Variants in SLIT2 observed in about 807,000 individuals in gnomAD.
SLIT2 encodes slit homolog 2 protein.
Under a neutral mutation model 185.7 loss-of-function variants are expected in SLIT2, and 41 were observed. The observed-to-expected ratio is 0.22, with a 90% CI of 0.17 to 0.29. The LOEUF is 0.29. Ranked by LOEUF, SLIT2 falls within the 10% of genes least tolerant of loss-of-function variation. The pLI is 1.00. For synonymous variants in SLIT2, 693 were observed against 680.2 expected (o/e 1.02, Z -0.29); for missense variants, 1,571 against 1,909.0 (o/e 0.82, Z 3.30).
At chr4:20,274,543 C>A (rs1478409380) in intron 4 of SLIT2, among the ~76,000 whole-genome samples, 1 of 152,082 alleles carries the variant, frequency 6.6e-6, no homozygotes, top group Non-Finnish European at 1.5e-5. Flanking sequence ...AGATTAAGAT[C>A]ATATTTGAGA....
intron 4 of SLIT2, among the ~76,000 whole-genome samples, chr4:20,454,670 T>A (rs867296823): frequency 6.6e-6 from 1 of 152,186 alleles, no homozygotes; most frequent in South Asian, 2.1e-4. Context: ...TAAAGCAAAT[T>A]TATTGCTTCA....
chr4:20,617,207 C>G lies in SLIT2; in HGVS notation c.4136+9C>G. The G allele has an allele frequency of 1.3e-6, 2 of 1,548,666 alleles. No individual in the cohort carries two copies. The highest frequency in any genetic ancestry group is 4.6e-5 in the East Asian group (2 of 43,444). On this transcript the variant is annotated intron_variant, in intron 35 of 36. Transcript: ENST00000504154. The stretch of plus-strand genomic sequence containing the variant: ...CCTTGCCTTGGAAATAAGTAAGTTC[C>G]TGCTGCTTGGGAGTTGAGCACACAC...
chr4:20,549,585 C>A (rs1723554259), intron 24 of SLIT2, among the ~76,000 whole-genome samples: 1 of 151,848 alleles, frequency 6.6e-6, no homozygotes, highest in Non-Finnish European at 1.5e-5. Context: ...CTCTCTGGTC[C>A]TTTTTCAGAT....
At chr4:20,288,225 G>C (rs1162266961) in intron 4 of SLIT2, among the ~76,000 whole-genome samples, 1 of 152,210 alleles carries the variant, frequency 6.6e-6, no homozygotes, top group African/African-American at 2.4e-5. Flanking sequence ...CCAAGTTTTT[G>C]TGGGCAAACA....
chr4:20,613,331 G>T (rs750647728), intron 34 of SLIT2, among the ~76,000 whole-genome samples: 1 of 152,202 alleles, frequency 6.6e-6, no homozygotes, highest in Non-Finnish European at 1.5e-5. Context: ...CACAAAAAAA[G>T]AATTGAGCTG....
intron 4 of SLIT2, among the ~76,000 whole-genome samples, chr4:20,373,472 A>G (rs908854666): frequency 6.6e-6 from 1 of 152,038 alleles, no homozygotes; most frequent in Non-Finnish European, 1.5e-5. Context: ...GGTGACCAAT[A>G]TTATATTCTT....
At chr4:20,313,335 A>ACTC (rs1718288107) in intron 4 of SLIT2, among the ~76,000 whole-genome samples, 1 of 152,110 alleles carries the variant, frequency 6.6e-6, no homozygotes, top group East Asian at 1.9e-4. Context: ...AGGAAGAGAG[A>ACTC]GGGAGGCAGA....
intron 4 of SLIT2, among the ~76,000 whole-genome samples, chr4:20,324,898 C>T (rs1458574986): frequency 1.3e-5 from 2 of 152,174 alleles, no homozygotes; most frequent in African/African-American, 4.8e-5. Context: ...CTTTTAATGG[C>T]AAAAACTGCA....
At chr4:20,276,810 T>G (rs541717389) in intron 4 of SLIT2, among the ~76,000 whole-genome samples, 1 of 152,308 alleles carries the variant, frequency 6.6e-6, no homozygotes, top group South Asian at 2.1e-4. Context: ...TTCTGTTTGT[T>G]CTATGTCTTA....
intron 5 of SLIT2, among the ~76,000 whole-genome samples, chr4:20,472,478 A>ATATC (rs1553908633): frequency 3.4e-5 from 1 of 29,530 alleles, no homozygotes; most frequent in Non-Finnish European, 5.0e-5. Flanking sequence ...ATATATAGAT[A>ATATC]TATATCTATA....
intron 4 of SLIT2, among the ~76,000 whole-genome samples, chr4:20,321,498 G>A (rs1440471457): frequency 6.6e-6 from 1 of 152,198 alleles, no homozygotes; most frequent in Non-Finnish European, 1.5e-5. Context: ...CCAGTGACTA[G>A]CTTCTGACCC....
At chr4:20,469,562 C>A (rs1714736800) in intron 5 of SLIT2, among the ~76,000 whole-genome samples, 1 of 151,956 alleles carries the variant, frequency 6.6e-6, no homozygotes, top group African/African-American at 2.4e-5. Context: ...CAAATCTTTT[C>A]TCCCCCACAG....
In SLIT2 at chr4:20,388,182, G is replaced by C. The variant is rs1021815785; in HGVS notation, c.396-79570G>C. On this transcript the variant is annotated intron_variant, in intron 4 of 36. Coordinates refer to ENST00000504154, the MANE Select transcript of SLIT2 (RefSeq NM_004787.4). Reference sequence around the variant, plus strand: ...TCTTAAATATGGTATCAAAAGCACAGTTCTAAAAAACTAAACTGAAACCTT... The same window carrying C: ...TCTTAAATATGGTATCAAAAGCACACTTCTAAAAAACTAAACTGAAACCTT... Among the ~76,000 whole-genome samples the C allele has an allele frequency of 1.7e-4, 26 of 152,140 alleles. 1 individual carries two copies. Among genetic ancestry groups the C allele is most frequent in the African/African-American group, 6.3e-4 (26 of 41,516 alleles).
intron 6 of SLIT2, among the ~76,000 whole-genome samples, chr4:20,482,386 A>G (rs1446228839): frequency 1.3e-5 from 2 of 152,036 alleles, no homozygotes; most frequent in Non-Finnish European, 2.9e-5. Flanking sequence ...TCGAATACCT[A>G]CTGTGTATAT....
chr4:20,295,323 G>A (rs541147158), intron 4 of SLIT2, among the ~76,000 whole-genome samples: 25 of 152,340 alleles, frequency 1.6e-4, no homozygotes, highest in African/African-American at 5.5e-4. Flanking sequence ...CTGATACACT[G>A]TGAGTACAAT....
chr4:20,273,310 A>G (rs1713824805), intron 4 of SLIT2, among the ~76,000 whole-genome samples: 2 of 152,118 alleles, frequency 1.3e-5, no homozygotes, highest in South Asian at 4.1e-4. Flanking sequence ...CTACGCAGAT[A>G]TAGCCATTAT....
At chr4:20,487,552 G>A (rs1344269368) in intron 7 of SLIT2, among the ~76,000 whole-genome samples, 1 of 151,904 alleles carries the variant, frequency 6.6e-6, no homozygotes, top group African/African-American at 2.4e-5. Flanking sequence ...TTCCTAATTG[G>A]AATTTTTATA....
chr4:20,317,103 G>A (rs1379462605), intron 4 of SLIT2, among the ~76,000 whole-genome samples: 3 of 151,662 alleles, frequency 2.0e-5, no homozygotes, highest in Non-Finnish European at 4.4e-5. Flanking sequence ...AAGAGTTAAA[G>A]TTGTCAGATG....
intron 3 of SLIT2, among the ~76,000 whole-genome samples, chr4:20,259,571 T>C (rs1304940990): frequency 1.3e-5 from 2 of 151,828 alleles, no homozygotes; most frequent in Non-Finnish European, 3.0e-5. Flanking sequence ...TCATTCTTTT[T>C]CAAGTCACTT....
Sources: gnomAD v4.1 joint callset for allele counts (sites outside exome capture counted in the v4.1 genomes callset) on GRCh38, gnomAD v4.1.1 for gene constraint, MANE v1.5 for transcripts, NCBI Gene and HGNC (gene_info 2026-07-23, HGNC 2026-07-21) for gene names.